The following TRAPPC8 variants were observed in gnomAD, a reference collection of about 807,000 sequenced individuals.
TRAPPC8 encodes the protein trafficking protein particle complex subunit 8.
A neutral mutation model predicts 174.3 loss-of-function variants in TRAPPC8; 54 were observed. The observed-to-expected ratio is 0.31, with a 90% CI of 0.25 to 0.39. The LOEUF (loss-of-function observed/expected upper bound fraction) is 0.39, where lower values mean the gene tolerates loss of function less well. Among genes scored for constraint, TRAPPC8 ranks in the 10% least tolerant of loss-of-function variants. The pLI, the probability that TRAPPC8 is intolerant of heterozygous loss-of-function variation, is 1.00. For missense variants in TRAPPC8, 1,531 were observed against 1,699.1 expected (o/e 0.90, Z 1.74); for synonymous variants, 630 against 579.9 (o/e 1.09, Z -1.24).
Position 31,886,470 on chromosome 18 carries a change from T to C in TRAPPC8, c.1728+4265A>G, listed in dbSNP as rs73411514. On this transcript the variant is annotated intron_variant, in intron 12 of 28. Transcript: ENST00000283351. Reference sequence around the variant, plus strand: ...TTGTGTGTTCAAGTGGATTTTCGAATGTGTTCAAGTGGATTTTTAAAGATT... The same window carrying C: ...TTGTGTGTTCAAGTGGATTTTCGAACGTGTTCAAGTGGATTTTTAAAGATT... 7.8e-3 allele frequency among the ~76,000 whole-genome samples: 1,184 copies of C among 152,268 alleles called. 15 individuals carry two copies. The highest frequency in any genetic ancestry group is 0.027 in the African/African-American group (1,136 of 41,548).
Position 31,942,989 on chromosome 18 carries a change from C to A in TRAPPC8, c.-225G>T, listed in dbSNP as rs868285234. The A allele has an allele frequency of 6.4e-6, 6 of 933,376 alleles. No homozygotes were observed. Among genetic ancestry groups the A allele is most frequent in the Non-Finnish European group, 7.0e-6 (5 of 713,428 alleles). 57.8% of individuals were successfully genotyped at this position (933,376 alleles called of 1,614,324 possible). A position where few individuals can be genotyped will look rare whatever the true frequency, so the allele number is the denominator to read the frequency against. ...GTCACCGCCGCTTCTCAGCGCTCGT[C>A]CCCGCGTGCTCGCATTCCACCCCGA... On this transcript the variant is annotated 5_prime_UTR_variant, in exon 1 of 29. Transcript: ENST00000283351.
At position 31,857,881 on chromosome 18, in the gene TRAPPC8, C is replaced by A. The variant is rs752438521; in HGVS notation, c.2847G>T (p.Lys949Asn). 2 of 1,614,146 alleles carry A rather than the reference C, an allele frequency of 1.2e-6. No individual in the cohort carries two copies. The highest frequency in any genetic ancestry group is 3.3e-5 in the Admixed American group (2 of 60,020). ...NVSKCPLTGLKVVSKRPEFFT... is the reference protein window; with the variant it reads ...NVSKCPLTGLNVVSKRPEFFT... Reference sequence around the variant, plus strand: ...AGAACTCTGGACGTTTAGAAACAACCTTCAATCCAGTAAGTGGACATTTGC... The same window carrying A: ...AGAACTCTGGACGTTTAGAAACAACATTCAATCCAGTAAGTGGACATTTGC... The change falls in exon 20 of 29, where the codon AAG becomes AAT. Residue 949 changes from lysine to asparagine, a missense_variant. Physicochemically the swap from Lys to Asn is moderately conservative, Grantham distance 94 (BLOSUM62 0). Transcript: ENST00000283351.
At chr18:31,938,981 G>A (rs2038214241) in intron 1 of TRAPPC8, among the ~76,000 whole-genome samples, 1 of 150,906 alleles carries the variant, frequency 6.6e-6, no homozygotes, top group Non-Finnish European at 1.5e-5. Flanking sequence ...TCGGGAGGCT[G>A]AGGCAGGAGA....
chr18:31,927,705 A>G (rs1358961442), intron 2 of TRAPPC8, among the ~76,000 whole-genome samples: 1 of 152,188 alleles, frequency 6.6e-6, no homozygotes, highest in African/African-American at 2.4e-5. Flanking sequence ...GCCTGGCCTT[A>G]ATAAATTAAA....
At chr18:31,842,351 A>C (rs1041629335) in intron 26 of TRAPPC8, among the ~76,000 whole-genome samples, 1 of 152,256 alleles carries the variant, frequency 6.6e-6, no homozygotes, top group Non-Finnish European at 1.5e-5. Context: ...ACCAATGTGC[A>C]CAGGGTTTCT....
At position 31,870,913 on chromosome 18, in the gene TRAPPC8, T is replaced by C. The variant is rs768899246; in HGVS notation, c.2257+13A>G. The C allele has an allele frequency of 6.7e-7, 1 of 1,489,642 alleles. No individual in the cohort carries two copies. Among genetic ancestry groups the C allele is most frequent in the South Asian group, 1.4e-5 (1 of 70,746 alleles). The allele number at this position is 1,489,642 out of a possible 1,614,324, so 92.3% of individuals were successfully genotyped here. A position where few individuals can be genotyped will look rare whatever the true frequency, so the allele number is the denominator to read the frequency against. On this transcript the variant is annotated intron_variant, in intron 15 of 28. Coordinates refer to ENST00000283351, the MANE Select transcript of TRAPPC8 (RefSeq NM_014939.5). ...ACAAATAAAAAACAGAAATAAAAAT[T>C]CAAGTATATCACCTTCTACAACTGC...
Position 31,874,472 on chromosome 18 carries a change from G to A in TRAPPC8, c.1953+8C>T, listed in dbSNP as rs770700537. ...AATATCTATTCCTGAATGAAAATAA[G>A]CAGTCACCTTGTAAACATAAAGATA... is the stretch of plus-strand genomic sequence containing the variant. On this transcript the variant is annotated splice_region_variant and intron_variant, in intron 13 of 28. Coordinates refer to ENST00000283351, the MANE Select transcript of TRAPPC8 (RefSeq NM_014939.5). 2 of 1,610,514 alleles carry A rather than the reference G, an allele frequency of 1.2e-6. No homozygotes were observed. The highest frequency in any genetic ancestry group is 1.7e-4 in the Middle Eastern group (1 of 6,058).
At chr18:31,901,839 AGTGG>A (rs753026899) in intron 9 of TRAPPC8, among the ~76,000 whole-genome samples, 1 of 152,156 alleles carries the variant, frequency 6.6e-6, no homozygotes, top group Non-Finnish European at 1.5e-5. Flanking sequence ...TGGCAGTGTG[AGTGG>A]GTGCACGTAT....
intron 2 of TRAPPC8, among the ~76,000 whole-genome samples, chr18:31,924,604 T>C (rs1427630539): frequency 6.7e-6 from 1 of 150,170 alleles, no homozygotes; most frequent in Non-Finnish European, 1.5e-5. Flanking sequence ...CCACTAAATA[T>C]ACAACTAATA....
At chr18:31,877,086 AG>A (rs1347581260) in intron 12 of TRAPPC8, among the ~76,000 whole-genome samples, 2 of 152,168 alleles carry the variant, frequency 1.3e-5, no homozygotes, top group Non-Finnish European at 2.9e-5. Flanking sequence ...CCCTAGGGGA[AG>A]GGGGGACAGT....
intron 1 of TRAPPC8, among the ~76,000 whole-genome samples, chr18:31,940,572 G>A (rs912437791): frequency 1.3e-5 from 2 of 152,000 alleles, no homozygotes; most frequent in African/African-American, 4.8e-5. Context: ...GTTTTGAGAT[G>A]GAGTCTCACT....
At chr18:31,882,894 C>T (rs1371595908) in intron 12 of TRAPPC8, among the ~76,000 whole-genome samples, 1 of 149,562 alleles carries the variant, frequency 6.7e-6, no homozygotes, top group African/African-American at 2.4e-5. Flanking sequence ...GGATTACACG[C>T]ATGAGCCACC....
chr18:31,942,193 A>T (rs2038374164), intron 1 of TRAPPC8, among the ~76,000 whole-genome samples: 1 of 152,220 alleles, frequency 6.6e-6, no homozygotes, highest in Non-Finnish European at 1.5e-5. Context: ...CCAGTTTAAC[A>T]TCCAAGGGAG....
intron 5 of TRAPPC8, 142 bp from the exon 6 acceptor site, chr18:31,909,902 A>G (rs539880056): frequency 1.9e-6 from 1 of 514,734 alleles, no homozygotes; most frequent in African/African-American, 2.0e-5. Context: ...CGTCCTCCAA[A>G]TTCATAACTT....
intron 1 of TRAPPC8, among the ~76,000 whole-genome samples, chr18:31,933,995 C>A (rs2145643536): frequency 6.6e-6 from 1 of 152,144 alleles, no homozygotes; most frequent in Non-Finnish European, 1.5e-5. Flanking sequence ...CGAGACCAGC[C>A]TGGCCAACAA....
intron 2 of TRAPPC8, among the ~76,000 whole-genome samples, chr18:31,927,060 T>C (rs1397892199): frequency 6.6e-6 from 1 of 152,016 alleles, no homozygotes; most frequent in Non-Finnish European, 1.5e-5. Context: ...TGTTGTTTTT[T>C]CCTTTAAGTC....
chr18:31,943,121 T>C lies in TRAPPC8; in HGVS notation c.-357A>G, dbSNP rs1252677628. ...AGGCCGAACCCTGACCAACCGGCAGTACTACTCCCAGCTGCCCCCGCGCGC... is the reference window on the plus strand; with the variant it reads ...AGGCCGAACCCTGACCAACCGGCAGCACTACTCCCAGCTGCCCCCGCGCGC... On this transcript the variant is annotated 5_prime_UTR_variant, in exon 1 of 29. Transcript: ENST00000283351. The C allele has an allele frequency of 5.0e-6, 2 of 400,776 alleles. No individual in the cohort carries two copies. Among genetic ancestry groups the C allele is most frequent in the Non-Finnish European group, 8.8e-6 (2 of 227,572 alleles). The allele number at this position is 400,776 out of a possible 1,614,324, so 24.8% of individuals were successfully genotyped here.
At chr18:31,836,976 A>G (rs1246739546) in intron 27 of TRAPPC8, among the ~76,000 whole-genome samples, 2 of 151,794 alleles carry the variant, frequency 1.3e-5, no homozygotes, top group East Asian at 2.0e-4. Flanking sequence ...GTTAGCCAGG[A>G]TGGTCTTGAT....
At chr18:31,865,286 TAG>T (rs368963792) in intron 18 of TRAPPC8, among the ~76,000 whole-genome samples, 46 of 152,076 alleles carry the variant, frequency 3.0e-4, no homozygotes, top group African/African-American at 1.1e-3. Flanking sequence ...TTAAATACAG[TAG>T]AGTTTTCTCA....
Sources: gnomAD v4.1 joint callset for allele counts (sites outside exome capture counted in the v4.1 genomes callset) on GRCh38, gnomAD v4.1.1 for gene constraint, MANE v1.5 for transcripts, NCBI Gene and HGNC (gene_info 2026-07-23, HGNC 2026-07-21) for gene names.